MAP3K5: variants seen among roughly 807,000 people sequenced by gnomAD.
The protein encoded by MAP3K5 is ASK-1.
MAP3K5 carries 56 observed loss-of-function variants against 158.7 expected under a neutral mutation model. The ratio of observed to expected loss-of-function variants is 0.35; its 90% confidence interval spans 0.28 to 0.44. The LOEUF (loss-of-function observed/expected upper bound fraction) is 0.44, where lower values mean the gene tolerates loss of function less well. Among genes scored for constraint, MAP3K5 ranks in the 20% least tolerant of loss-of-function variants. MAP3K5 has a pLI of 1.00. For missense variants in MAP3K5, 1,294 were observed against 1,674.8 expected (o/e 0.77, Z 3.97); for synonymous variants, 579 against 601.7 (o/e 0.96, Z 0.55).
chr6:136,587,968 T>C (rs1775211789), intron 23 of MAP3K5, among the ~76,000 whole-genome samples: 1 of 152,204 alleles, frequency 6.6e-6, no homozygotes, highest in Non-Finnish European at 1.5e-5. Flanking sequence ...CTGATGATGC[T>C]ATGGTCCAGC....
chr6:136,576,372 T>G (rs1186232592), intron 25 of MAP3K5, among the ~76,000 whole-genome samples: 2 of 152,180 alleles, frequency 1.3e-5, no homozygotes, highest in Non-Finnish European at 2.9e-5. Flanking sequence ...AGTACAGCAG[T>G]GCAATCATAG....
intron 15 of MAP3K5, among the ~76,000 whole-genome samples, chr6:136,616,450 GC>G (rs1450486127): frequency 2.6e-5 from 4 of 151,242 alleles, no homozygotes; most frequent in Non-Finnish European, 5.9e-5. Flanking sequence ...GATTACAGGC[GC>G]CTGCCACCAT....
rs534514569 is a variant in MAP3K5 at position 136,720,706 on chromosome 6, T to C, written c.449-117A>G. Reference sequence around the variant, plus strand: ...AGGAAATAAGGAAACGATAGGGATTTTCTCTCTTCATTTATCACTGAATTT... The same window carrying C: ...AGGAAATAAGGAAACGATAGGGATTCTCTCTCTTCATTTATCACTGAATTT... On this transcript the variant is annotated intron_variant, in intron 1 of 29. Transcript: ENST00000359015. 54 of 741,550 alleles carry C rather than the reference T, an allele frequency of 7.3e-5. No individual in the cohort carries two copies. In the African/African-American group the frequency reaches 9.1e-4, roughly 13 times the overall value. 45.9% of individuals were successfully genotyped at this position (741,550 alleles called of 1,614,324 possible). A position where few individuals can be genotyped will look rare whatever the true frequency, so the allele number is the denominator to read the frequency against.
intron 23 of MAP3K5, among the ~76,000 whole-genome samples, chr6:136,590,533 C>A (rs1164412696): frequency 6.6e-6 from 1 of 151,088 alleles, no homozygotes; most frequent in African/African-American, 2.4e-5. Flanking sequence ...TGCACATTTT[C>A]TTTTCTTTTT....
Position 136,771,126 on chromosome 6 carries a change from A to G in MAP3K5, c.448+20584T>C, listed in dbSNP as rs187865737. The stretch of plus-strand genomic sequence containing the variant: ...AGAGTAGAGCAGATGCTTAACCTAC[A>G]GCTCTGAGGTCTGGGCTACAAATAT... On this transcript the variant is annotated intron_variant, in intron 1 of 29. Transcript: ENST00000359015. Among the ~76,000 whole-genome samples, 203 of 152,280 alleles carry G rather than the reference A, an allele frequency of 1.3e-3. 1 individual carries two copies. Among genetic ancestry groups the G allele is most frequent in the East Asian group, 7.7e-3 (40 of 5,192 alleles).
At chr6:136,771,686 C>A (rs1321089430) in intron 1 of MAP3K5, among the ~76,000 whole-genome samples, 1 of 152,192 alleles carries the variant, frequency 6.6e-6, no homozygotes, top group Non-Finnish European at 1.5e-5. Flanking sequence ...ACTGCCTCTT[C>A]AATAAAGCTG....
chr6:136,725,029 T>C (rs1280307322), intron 1 of MAP3K5, among the ~76,000 whole-genome samples: 1 of 152,194 alleles, frequency 6.6e-6, no homozygotes, highest in Non-Finnish European at 1.5e-5. Flanking sequence ...AATGGAATCA[T>C]ACAGTATGTA....
At chr6:136,745,364 C>T (rs1204582002) in intron 1 of MAP3K5, among the ~76,000 whole-genome samples, 1 of 151,996 alleles carries the variant, frequency 6.6e-6, no homozygotes, top group Non-Finnish European at 1.5e-5. Context: ...TCTCAACACA[C>T]GAATACACTT....
At chr6:136,579,109 C>T (rs980487246) in intron 25 of MAP3K5, among the ~76,000 whole-genome samples, 2 of 151,746 alleles carry the variant, frequency 1.3e-5, no homozygotes, top group African/African-American at 4.8e-5. Context: ...CAAATTAGTA[C>T]AATAGAACAT....
In MAP3K5 at chr6:136,632,871, T is replaced by C. The variant is rs1046927675; in HGVS notation, c.2016+4454A>G. ...TGATTTCAATATAAAAGTATTATAA[T>C]AATAACATATTAAAATACTTGAGAT... On this transcript the variant is annotated intron_variant, in intron 14 of 29. Coordinates refer to ENST00000359015, the MANE Select transcript of MAP3K5 (RefSeq NM_005923.4). Among the ~76,000 whole-genome samples the C allele has an allele frequency of 7.2e-5, 11 of 152,236 alleles. No individual in the cohort carries two copies. In the South Asian group the frequency reaches 1.5e-3, roughly 20 times the overall value.
chr6:136,621,236 T>G (rs894941573), intron 15 of MAP3K5, among the ~76,000 whole-genome samples: 1 of 152,040 alleles, frequency 6.6e-6, no homozygotes, highest in Non-Finnish European at 1.5e-5. Context: ...TCAAAGCCAT[T>G]CTTCACTTCT....
intron 1 of MAP3K5, among the ~76,000 whole-genome samples, chr6:136,769,116 T>C (rs1357334953): frequency 6.6e-6 from 1 of 152,156 alleles, no homozygotes; most frequent in Non-Finnish European, 1.5e-5. Flanking sequence ...CATCAGCTGA[T>C]GAATGGATAA....
chr6:136,599,167 AAG>A (rs1491396623), intron 21 of MAP3K5, among the ~76,000 whole-genome samples: 35 of 85,894 alleles, frequency 4.1e-4, no homozygotes, highest in African/African-American at 6.6e-4. Flanking sequence ...TCAAAAAAAA[AAG>A]GGGGGGGGGG....
At chr6:136,766,104 T>C (rs1286544403) in intron 1 of MAP3K5, among the ~76,000 whole-genome samples, 2 of 152,174 alleles carry the variant, frequency 1.3e-5, no homozygotes, top group Admixed American at 1.3e-4. Flanking sequence ...ATCTATCTGG[T>C]ACAGCATAAA....
intron 17 of MAP3K5, among the ~76,000 whole-genome samples, chr6:136,612,497 C>T (rs1452803222): frequency 6.6e-6 from 1 of 152,108 alleles, no homozygotes; most frequent in African/African-American, 2.4e-5. Flanking sequence ...TATGTAGGGA[C>T]ATGATAGATA....
intron 1 of MAP3K5, among the ~76,000 whole-genome samples, chr6:136,768,119 G>A (rs1348351096): frequency 1.3e-5 from 2 of 152,136 alleles, no homozygotes; most frequent in African/African-American, 4.8e-5. Flanking sequence ...GAAAACATAG[G>A]TGTAAATCTC....
At chr6:136,671,369 T>A (rs945394268) in intron 7 of MAP3K5, among the ~76,000 whole-genome samples, 7 of 152,202 alleles carry the variant, frequency 4.6e-5, no homozygotes, top group Admixed American at 2.6e-4. Context: ...CCAATAAAAT[T>A]AATAATTCAC....
At position 136,612,927 on chromosome 6, in the gene MAP3K5, C is replaced by G. The variant is rs185967568; in HGVS notation, c.2415+193G>C. Among the ~76,000 whole-genome samples the G allele has an allele frequency of 2.1e-3, 327 of 152,258 alleles. 3 individuals are homozygous for G. The highest frequency in any genetic ancestry group is 7.3e-3 in the African/African-American group (305 of 41,558). On this transcript the variant is annotated intron_variant, in intron 17 of 29. Transcript: ENST00000359015. ...CTGAACGCAGTTAAGCAGTGTGTTC[C>G]TTGAGCAGAAGCGTTAAGACATGAA... is the stretch of plus-strand genomic sequence containing the variant.
chr6:136,762,501 C>A (rs1249002579), intron 1 of MAP3K5, among the ~76,000 whole-genome samples: 1 of 152,010 alleles, frequency 6.6e-6, no homozygotes, highest in African/African-American at 2.4e-5. Context: ...CAATGGGCAG[C>A]ATCAGAAATA....
Sources: gnomAD v4.1 joint callset for allele counts (sites outside exome capture counted in the v4.1 genomes callset) on GRCh38, gnomAD v4.1.1 for gene constraint, MANE v1.5 for transcripts, NCBI Gene and HGNC (gene_info 2026-07-23, HGNC 2026-07-21) for gene names.